Variants in CCSER1 observed in about 807,000 individuals in gnomAD.
CCSER1 encodes the protein coiled-coil serine rich protein 1, also known as serine-rich coiled-coil domain-containing protein 1.
CCSER1 carries 41 observed loss-of-function variants against 82.0 expected under a neutral mutation model. That is an observed-to-expected ratio of 0.50 (90% CI 0.39 to 0.65). The LOEUF (loss-of-function observed/expected upper bound fraction) is 0.65. Among genes scored for constraint, CCSER1 ranks in the 30% least tolerant of loss-of-function variants. The pLI, the probability that CCSER1 is intolerant of heterozygous loss-of-function variation, is 0.00. For missense variants in CCSER1, 1,119 were observed against 1,064.2 expected (o/e 1.05, Z -0.72); for synonymous variants, 414 against 383.9 (o/e 1.08, Z -0.92).
intron 1 of CCSER1, among the ~76,000 whole-genome samples, chr4:90,249,579 A>G (rs1012158345): frequency 1.3e-5 from 2 of 152,174 alleles, no homozygotes; most frequent in African/African-American, 4.8e-5. Context: ...CTTCATATAA[A>G]TAGAACATAC....
intron 7 of CCSER1, among the ~76,000 whole-genome samples, chr4:90,813,764 G>A (rs62309552): frequency 0.33 from 50,762 of 151,932 alleles, 8,628 homozygotes; most frequent in East Asian, 0.42. Flanking sequence ...TCTCAGATAC[G>A]TCTTTATCAG....
chr4:91,437,840 G>A (rs961197324), intron 10 of CCSER1, among the ~76,000 whole-genome samples: 1 of 152,248 alleles, frequency 6.6e-6, no homozygotes, highest in Non-Finnish European at 1.5e-5. Context: ...CTCGCACCTG[G>A]TTTGGAGGGT....
intron 10 of CCSER1, among the ~76,000 whole-genome samples, chr4:91,167,974 G>A (rs1039387933): frequency 1.4e-5 from 2 of 147,844 alleles, no homozygotes; most frequent in African/African-American, 2.5e-5. Flanking sequence ...AGTGGGGAGC[G>A]CCTCTGCCCG....
chr4:90,415,337 G>A (rs926050925), intron 4 of CCSER1, among the ~76,000 whole-genome samples: 36 of 152,294 alleles, frequency 2.4e-4, no homozygotes, highest in African/African-American at 7.7e-4. Flanking sequence ...ACGGTGCCAC[G>A]TCAGTGTGGC....
chr4:91,152,119 G>A (rs983626440), intron 10 of CCSER1, among the ~76,000 whole-genome samples: 16 of 152,132 alleles, frequency 1.1e-4, no homozygotes, highest in African/African-American at 3.9e-4. Context: ...AAGTCTCTTT[G>A]TAGGTCTCTA....
chr4:90,265,988 T>A (rs72877797), intron 1 of CCSER1, among the ~76,000 whole-genome samples: 7,372 of 152,250 alleles, frequency 0.048, 465 homozygotes, highest in African/African-American at 0.15. Context: ...TCAGATATTT[T>A]GCAGCAAGAT....
At chr4:91,073,377 TAAAAG>T (rs1344139553) in intron 9 of CCSER1, among the ~76,000 whole-genome samples, 3 of 152,222 alleles carry the variant, frequency 2.0e-5, no homozygotes, top group South Asian at 4.1e-4. Context: ...TTTATTAACT[TAAAAG>T]GAAGACTGGA....
At chr4:91,320,608 G>C (rs918175194) in intron 10 of CCSER1, among the ~76,000 whole-genome samples, 13 of 151,996 alleles carry the variant, frequency 8.6e-5, no homozygotes, top group Non-Finnish European at 1.5e-4. Context: ...AGTTTGTTGA[G>C]AAGACTGGTT....
intron 5 of CCSER1, among the ~76,000 whole-genome samples, chr4:90,469,668 C>A (rs887325453): frequency 6.6e-6 from 1 of 151,802 alleles, no homozygotes; most frequent in African/African-American, 2.4e-5. Context: ...CCATAAAGTT[C>A]TAGTTATGTT....
chr4:90,247,629 A>T (rs1343081217), intron 1 of CCSER1, among the ~76,000 whole-genome samples: 2 of 152,136 alleles, frequency 1.3e-5, no homozygotes, highest in East Asian at 3.8e-4. Flanking sequence ...TTTGGAAAAC[A>T]TGTTTCTATA....
intron 10 of CCSER1, among the ~76,000 whole-genome samples, chr4:91,169,210 A>AC (rs1007192506): frequency 8.4e-6 from 1 of 119,628 alleles, no homozygotes; most frequent in African/African-American, 3.2e-5. Flanking sequence ...CTAAAAAAAA[A>AC]AAAAAAAAAA....
chr4:91,288,750 T>C (rs1743515677), intron 10 of CCSER1, among the ~76,000 whole-genome samples: 1 of 151,844 alleles, frequency 6.6e-6, no homozygotes, highest in African/African-American at 2.4e-5. Flanking sequence ...GAAAATCCAT[T>C]GCAGCTAGGG....
At position 91,402,169 on chromosome 4, in the gene CCSER1, G is replaced by C. The variant is rs561237147; in HGVS notation, c.2218-196403G>C. Among the ~76,000 whole-genome samples the C allele has an allele frequency of 2.6e-5, 4 of 152,264 alleles. 1 individual carries two copies. In the South Asian group the frequency reaches 8.3e-4, roughly 32 times the overall value. ...GCAGTGATGATGAGCATTTTTTCAT[G>C]TGTCTGTTGGCTGCATAAATGTCTT... is the stretch of plus-strand genomic sequence containing the variant. On this transcript the variant is annotated intron_variant, in intron 10 of 10. Coordinates refer to ENST00000509176, the MANE Select transcript of CCSER1 (RefSeq NM_001145065.2).
chr4:90,220,848 A>G (rs2153421008), intron 1 of CCSER1, among the ~76,000 whole-genome samples: 1 of 152,338 alleles, frequency 6.6e-6, no homozygotes, highest in African/African-American at 2.4e-5. Flanking sequence ...TCACACAGAA[A>G]TACATATTTT....
intron 10 of CCSER1, among the ~76,000 whole-genome samples, chr4:91,152,229 T>C (rs1265558834): frequency 1.3e-5 from 2 of 152,210 alleles, no homozygotes; most frequent in Non-Finnish European, 2.9e-5. Context: ...CATTATGTAA[T>C]AGCCTCCCTT....
chr4:91,095,026 G>A (rs557844158), intron 10 of CCSER1, among the ~76,000 whole-genome samples: 30 of 152,200 alleles, frequency 2.0e-4, no homozygotes, highest in African/African-American at 4.8e-4. Flanking sequence ...GGAGACTCCC[G>A]TTGCTCCAAT....
intron 8 of CCSER1, among the ~76,000 whole-genome samples, chr4:90,828,604 AAGG>A (rs1760773280): frequency 6.6e-6 from 1 of 152,204 alleles, no homozygotes; most frequent in Non-Finnish European, 1.5e-5. Context: ...AAGGAATAAA[AAGG>A]AGGATTTTAC....
chr4:90,304,425 T>C (rs1560986200), intron 1 of CCSER1, among the ~76,000 whole-genome samples: 1 of 152,130 alleles, frequency 6.6e-6, no homozygotes, highest in African/African-American at 2.4e-5. Flanking sequence ...TAGACTGGAT[T>C]AAGAAAATGT....
intron 10 of CCSER1, among the ~76,000 whole-genome samples, chr4:91,573,402 G>A (rs561976007): frequency 1.3e-5 from 2 of 152,162 alleles, no homozygotes; most frequent in African/African-American, 4.8e-5. Context: ...ACACAGGGGT[G>A]TAACCTCCTA....
Sources: allele counts gnomAD v4.1 joint callset (sites outside exome capture counted in the v4.1 genomes callset), GRCh38; gene constraint gnomAD v4.1.1; transcripts MANE v1.5; gene names NCBI Gene and HGNC (gene_info 2026-07-23, HGNC 2026-07-21).